PIK3R6: variants seen among roughly 807,000 people sequenced by gnomAD.
PIK3R6 encodes phosphoinositide-3-kinase regulatory subunit 6, also known as phosphoinositide 3-kinase regulatory subunit 6.
Under a neutral mutation model 84.9 loss-of-function variants are expected in PIK3R6, and 91 were observed. The observed-to-expected ratio is 1.07, with a 90% CI of 0.90 to 1.28. The LOEUF is 1.28. Ranked by LOEUF, PIK3R6 falls within the 50% of genes most tolerant of loss-of-function variation. PIK3R6 has a pLI of 0.00. For missense variants in PIK3R6, 996 were observed against 985.1 expected (o/e 1.01, Z -0.15); for synonymous variants, 416 against 411.4 (o/e 1.01, Z -0.13).
intron 2 of PIK3R6, among the ~76,000 whole-genome samples, chr17:8,846,310 A>T (rs758392679): frequency 6.6e-6 from 1 of 152,120 alleles, no homozygotes; most frequent in Non-Finnish European, 1.5e-5. Flanking sequence ...ATTGTGTTCC[A>T]TTGTTTATAT....
intron 18 of PIK3R6, among the ~76,000 whole-genome samples, chr17:8,815,695 A>C (rs779395610): frequency 1.3e-5 from 2 of 152,282 alleles, no homozygotes; most frequent in South Asian, 2.1e-4. Context: ...GGGTTATGTG[A>C]AGCAGGGACT....
chr17:8,809,718 A>T (rs556896064), intron 18 of PIK3R6, among the ~76,000 whole-genome samples: 1 of 152,262 alleles, frequency 6.6e-6, no homozygotes, highest in East Asian at 1.9e-4. Context: ...TCAATAAGAT[A>T]TGGGCTGGTG....
At position 8,811,726 on chromosome 17, in the gene PIK3R6, C is replaced by G. The variant is rs1402478470; in HGVS notation, c.1995+7357G>C. Among the ~76,000 whole-genome samples, 2 of 148,250 alleles carry G rather than the reference C, an allele frequency of 1.3e-5. 1 individual carries two copies. The highest frequency in any genetic ancestry group is 1.4e-4 in the Admixed American group (2 of 14,552). ...GTTCCTCATTTCCATCTGAGACCACCTTAGCCTGGACTTTATTGTCCATAT... is the reference window on the plus strand; with the variant it reads ...GTTCCTCATTTCCATCTGAGACCACGTTAGCCTGGACTTTATTGTCCATAT... On this transcript the variant is annotated intron_variant, in intron 18 of 19. Coordinates refer to ENST00000619866, the MANE Select transcript of PIK3R6 (RefSeq NM_001010855.4).
intron 9 of PIK3R6, among the ~76,000 whole-genome samples, chr17:8,832,375 C>CTTTTTTT (rs759188865): frequency 0.013 from 1,012 of 77,854 alleles, 37 homozygotes; most frequent in African/African-American, 0.018. Context: ...TACCCACCTT[C>CTTTTTTT]TTTTTTTTTT....
Position 8,839,790 on chromosome 17 carries a change from T to A in PIK3R6, c.14-93A>T. ...TTCCGAGAGTGTCTTTAGCCATTTC[T>A]CTGAGCCTCAGGAGGTGCCCGAAGT... On this transcript the variant is annotated intron_variant, in intron 2 of 19. Transcript: ENST00000619866. The surrounding 1 kb of genome is among the most constrained non-coding windows in gnomAD (Gnocchi z 4.2). 8.6e-7 allele frequency: 1 copy of A among 1,158,726 alleles called. No homozygotes were observed. The highest frequency in any genetic ancestry group is 1.2e-6 in the Non-Finnish European group (1 of 823,258). 71.8% of individuals were successfully genotyped at this position (1,158,726 alleles called of 1,614,324 possible). A position where few individuals can be genotyped will look rare whatever the true frequency, so the allele number is the denominator to read the frequency against.
chr17:8,803,789 G>T lies in PIK3R6; in HGVS notation c.2108+252C>A. The stretch of plus-strand genomic sequence containing the variant: ...TGGATCAGGAGGCTGCAGGCTGAGT[G>T]TATGCAGAGGCATCTGGGGAAAATG... On this transcript the variant is annotated intron_variant, in intron 19 of 19. Coordinates refer to ENST00000619866, the MANE Select transcript of PIK3R6 (RefSeq NM_001010855.4). The surrounding 1 kb of genome is among the most constrained non-coding windows in gnomAD (Gnocchi z 5.0). 3.4e-6 allele frequency: 2 copies of T among 580,372 alleles called. No homozygotes were observed. The highest frequency in any genetic ancestry group is 6.2e-6 in the Non-Finnish European group (2 of 324,914). 36.0% of individuals were successfully genotyped at this position (580,372 alleles called of 1,614,324 possible). A position where few individuals can be genotyped will look rare whatever the true frequency, so the allele number is the denominator to read the frequency against.
At chr17:8,848,047 T>G (rs988523602) in intron 2 of PIK3R6, among the ~76,000 whole-genome samples, 14 of 152,112 alleles carry the variant, frequency 9.2e-5, no homozygotes, top group African/African-American at 2.9e-4. Context: ...GGACTGATAC[T>G]CTCTGTCTCT....
In PIK3R6 at chr17:8,840,267, A is replaced by AATATAT. The variant is rs1312808258; in HGVS notation, c.14-571_14-570insATATAT. On this transcript the variant is annotated intron_variant, in intron 2 of 19. Coordinates refer to ENST00000619866, the MANE Select transcript of PIK3R6 (RefSeq NM_001010855.4). ...ATATATGAAATATATACAGCCTACA[A>AATATAT]ATATGTATATGAAATATATACAGCC... is the stretch of plus-strand genomic sequence containing the variant. Among the ~76,000 whole-genome samples the AATATAT allele has an allele frequency of 3.2e-4, 47 of 145,626 alleles. 4 individuals are homozygous for AATATAT. Among genetic ancestry groups the AATATAT allele is most frequent in the African/African-American group, 1.1e-3 (41 of 38,274 alleles).
intron 1 of PIK3R6, among the ~76,000 whole-genome samples, chr17:8,861,655 T>A (rs1464112967): frequency 6.6e-6 from 1 of 152,194 alleles, no homozygotes; most frequent in Non-Finnish European, 1.5e-5. Context: ...GGTTATCAGA[T>A]AAACTGTCGT....
intron 2 of PIK3R6, among the ~76,000 whole-genome samples, chr17:8,849,258 A>G (rs2088884919): frequency 6.6e-6 from 1 of 152,224 alleles, no homozygotes; most frequent in Non-Finnish European, 1.5e-5. Flanking sequence ...TTGCGAAGCA[A>G]TCCATACTGA....
chr17:8,822,736 G>A, intron 15 of PIK3R6, 79 bp from the exon 16 acceptor site: 1 of 1,417,646 alleles, frequency 7.1e-7, no homozygotes, highest in Non-Finnish European at 9.8e-7. Context: ...CTGAGGGCAG[G>A]AGCTGAGCTG....
At chr17:8,831,135 G>A (rs2088221026) in intron 9 of PIK3R6, among the ~76,000 whole-genome samples, 1 of 103,864 alleles carries the variant, frequency 9.6e-6, no homozygotes, top group African/African-American at 4.0e-5. Flanking sequence ...GACTGAGCAA[G>A]ATTGTGTCTC....
rs1361631292 is a variant in PIK3R6, at chr17:8,822,616, CT to C, written c.1758del (p.Ala588GlnfsTer28). 7 of 1,613,932 alleles carry C rather than the reference CT, an allele frequency of 4.3e-6. No homozygotes were observed. The highest frequency in any genetic ancestry group is 2.7e-5 in the African/African-American group (2 of 74,944). On this transcript the variant is annotated frameshift_variant, in exon 16 of 20. Transcript: ENST00000619866. LOFTEE classifies it high-confidence loss of function. Reference sequence around the variant, plus strand: ...TGGTAGCATAGGGAGAGCTCTGCCCCTGGGCCCTCAGCCACGCCTCTCCTCC... The same window carrying C: ...TGGTAGCATAGGGAGAGCTCTGCCCCGGGCCCTCAGCCACGCCTCTCCTCC... ...SPRRRGVAEG[P>X]GAELSLCYQK...
At chr17:8,822,902 G>A (rs577882210) in intron 15 of PIK3R6, 94 bp downstream of exon 15, 1 of 1,097,230 alleles carries the variant, frequency 9.1e-7, no homozygotes, top group South Asian at 1.2e-5. Context: ...TGAGGGTGTG[G>A]GCGTGCAGGC....
chr17:8,836,479 G>T, intron 7 of PIK3R6, 68 bp downstream of exon 7: 1 of 1,542,104 alleles, frequency 6.5e-7, no homozygotes, highest in South Asian at 1.1e-5. Context: ...CCTCCTGCCA[G>T]GGAGCAGTCA....
At chr17:8,827,574 T>C (rs1207748710) in intron 12 of PIK3R6, among the ~76,000 whole-genome samples, 1 of 151,658 alleles carries the variant, frequency 6.6e-6, no homozygotes, top group Non-Finnish European at 1.5e-5. Flanking sequence ...CAATAGGAAG[T>C]GGAGTGTGTA....
chr17:8,840,397 T>C (rs927107613), intron 2 of PIK3R6, among the ~76,000 whole-genome samples: 9 of 140,396 alleles, frequency 6.4e-5, no homozygotes, highest in African/African-American at 2.1e-4. Context: ...AATATGTATA[T>C]GAAATATATA....
intron 1 of PIK3R6, among the ~76,000 whole-genome samples, chr17:8,860,103 A>C (rs2089235792): frequency 6.6e-6 from 1 of 152,196 alleles, no homozygotes; most frequent in Admixed American, 6.5e-5. Flanking sequence ...TATGGTAAAA[A>C]TCTGAAAGGC....
At chr17:8,830,350 C>G (rs3848440) in intron 9 of PIK3R6, among the ~76,000 whole-genome samples, 38,075 of 152,132 alleles carry the variant, frequency 0.25, 4,828 homozygotes, top group African/African-American at 0.26. Flanking sequence ...GCTTCTCTTT[C>G]TAGAATCTTT....
Sources: allele counts gnomAD v4.1 joint callset (sites outside exome capture counted in the v4.1 genomes callset), GRCh38; gene constraint gnomAD v4.1.1; non-coding constraint Gnocchi (gnomAD v3.1); transcripts MANE v1.5; gene names NCBI Gene and HGNC (gene_info 2026-07-23, HGNC 2026-07-21).